Variants in FBXO11 observed in about 807,000 individuals in gnomAD.
FBXO11 encodes the protein F-box only protein 11.
In FBXO11, 13 loss-of-function variants were observed where a neutral mutation model predicts 117.0. The observed-to-expected ratio is 0.11, with a 90% CI of 0.07 to 0.18. FBXO11 has a LOEUF of 0.18. Ranked by LOEUF, FBXO11 falls within the 10% of genes least tolerant of loss-of-function variation. The pLI, the probability that FBXO11 is intolerant of heterozygous loss-of-function variation, is 1.00. For synonymous variants in FBXO11, 490 were observed against 380.5 expected, an observed-to-expected ratio of 1.29 and a Z score of -3.35; for missense variants, 767 against 1,164.4, an observed-to-expected ratio of 0.66 and a Z score of 4.97.
intron 1 of FBXO11, among the ~76,000 whole-genome samples, chr2:47,858,995 C>T (rs1220141800): frequency 6.8e-5 from 10 of 146,894 alleles, no homozygotes; most frequent in South Asian, 2.1e-4. Context: ...GCAGAGATCG[C>T]GCCACTCTGC....
At chr2:47,819,941 T>G (rs1050382746) in intron 14 of FBXO11, among the ~76,000 whole-genome samples, 1 of 152,212 alleles carries the variant, frequency 6.6e-6, no homozygotes, top group African/African-American at 2.4e-5. Context: ...GTTTCAAAAT[T>G]TTGAAAGTTA....
At chr2:47,859,488 T>C (rs1674587398) in intron 1 of FBXO11, among the ~76,000 whole-genome samples, 1 of 152,228 alleles carries the variant, frequency 6.6e-6, no homozygotes. Context: ...TTGGCAAAGA[T>C]TTAAAAGTAA....
At chr2:47,836,629 C>A (rs574828045) in intron 4 of FBXO11, among the ~76,000 whole-genome samples, 62 of 150,676 alleles carry the variant, frequency 4.1e-4, no homozygotes, top group Non-Finnish European at 6.1e-4. Context: ...AATTAGTTTT[C>A]CTGCAAAAAT....
intron 17 of FBXO11, 48 bp from the exon 18 acceptor site, chr2:47,813,425 A>ATTTTTTTTTTTTTTTTTTTTTTTATTTT (rs564540671): frequency 6.1e-6 from 2 of 327,432 alleles, no homozygotes; most frequent in Admixed American, 8.5e-5. Flanking sequence ...TTTCTTTTTA[A>ATTTTTTTTTTTTTTTTTTTTTTTATTTT]TTTTTTTTTT....
At chr2:47,845,248 CTAAT>C (rs911426627) in intron 1 of FBXO11, among the ~76,000 whole-genome samples, 7 of 148,198 alleles carry the variant, frequency 4.7e-5, no homozygotes, top group Admixed American at 2.8e-4. Flanking sequence ...AGAGAAGGTG[CTAAT>C]TAATTCATTT....
At chr2:47,882,687 T>C (rs1413854389) in intron 1 of FBXO11, among the ~76,000 whole-genome samples, 1 of 152,258 alleles carries the variant, frequency 6.6e-6, no homozygotes, top group Non-Finnish European at 1.5e-5. Flanking sequence ...GTCTCCCCTC[T>C]GTTGCCCAGG....
Position 47,905,924 on chromosome 2 carries a change from G to A in FBXO11, c.-204C>T. 1.8e-6 allele frequency: 1 copy of A among 551,790 alleles called. No homozygotes were observed. Among genetic ancestry groups the A allele is most frequent in the South Asian group, 3.1e-5 (1 of 32,190 alleles). The allele number at this position is 551,790 out of a possible 1,614,324, so 34.2% of individuals were successfully genotyped here. ...GCCCGGGTAGACAGACGGAGACCGA[G>A]CGAGGCCGGCCGGGAGGGCCTGACG... is the stretch of plus-strand genomic sequence containing the variant. On this transcript the variant is annotated 5_prime_UTR_variant, in exon 1 of 23. Transcript: ENST00000403359.
At chr2:47,829,170 C>T (rs1671996178) in intron 11 of FBXO11, among the ~76,000 whole-genome samples, 1 of 151,932 alleles carries the variant, frequency 6.6e-6, no homozygotes, top group African/African-American at 2.4e-5. Context: ...GTTAGGATTA[C>T]AGGCGTGACC....
intron 1 of FBXO11, among the ~76,000 whole-genome samples, chr2:47,879,698 G>A (rs994065038): frequency 2.0e-5 from 3 of 152,158 alleles, no homozygotes; most frequent in Non-Finnish European, 4.4e-5. Flanking sequence ...ATTCCTAACT[G>A]TAAATAAGTT....
At chr2:47,831,270 G>C (rs1672163261) in intron 11 of FBXO11, among the ~76,000 whole-genome samples, 1 of 151,500 alleles carries the variant, frequency 6.6e-6, no homozygotes, top group African/African-American at 2.4e-5. Flanking sequence ...TACAAAATTA[G>C]GCAGGCGTGG....
chr2:47,901,728 T>C (rs1341835402), intron 1 of FBXO11, among the ~76,000 whole-genome samples: 1 of 152,198 alleles, frequency 6.6e-6, no homozygotes, highest in East Asian at 1.9e-4. Flanking sequence ...ACAGCACTTC[T>C]GTAGACTTGT....
intron 1 of FBXO11, among the ~76,000 whole-genome samples, chr2:47,899,886 G>T (rs1398975449): frequency 6.6e-6 from 1 of 150,520 alleles, no homozygotes; most frequent in Non-Finnish European, 1.5e-5. Context: ...GACAATAAAA[G>T]ACCTCATGTT....
At chr2:47,817,120 T>C (rs1211769758) in intron 16 of FBXO11, among the ~76,000 whole-genome samples, 1 of 152,258 alleles carries the variant, frequency 6.6e-6, no homozygotes, top group Non-Finnish European at 1.5e-5. Flanking sequence ...CTTAGCTATA[T>C]CTTCTGGGAT....
intron 1 of FBXO11, among the ~76,000 whole-genome samples, chr2:47,843,562 C>G (rs1284031968): frequency 2.6e-5 from 4 of 151,484 alleles, no homozygotes; most frequent in Non-Finnish European, 5.9e-5. Context: ...TAATGGCTTT[C>G]TTCATCATCT....
At chr2:47,845,987 A>G (rs1673377677) in intron 1 of FBXO11, among the ~76,000 whole-genome samples, 1 of 152,164 alleles carries the variant, frequency 6.6e-6, no homozygotes, top group South Asian at 2.1e-4. Context: ...TCCCCTCCTG[A>G]AATTATGGAG....
At chr2:47,854,256 CTT>C (rs772726905) in intron 1 of FBXO11, among the ~76,000 whole-genome samples, 11 of 142,902 alleles carry the variant, frequency 7.7e-5, no homozygotes, top group Admixed American at 7.0e-5. Context: ...GTCCCCAGGA[CTT>C]TTTTTTTTTT....
chr2:47,866,614 C>T (rs72876855), intron 1 of FBXO11, among the ~76,000 whole-genome samples: 5 of 151,902 alleles, frequency 3.3e-5, no homozygotes, highest in Non-Finnish European at 7.4e-5. Flanking sequence ...GCTAGGATTA[C>T]AGGCGCGCAC....
Position 47,813,229 on chromosome 2 carries a change from A to C in FBXO11, c.2227+5T>G. On this transcript the variant is annotated splice_donor_5th_base_variant and intron_variant, in intron 18 of 22. Transcript: ENST00000403359. ...TTTTCACTAATGCAAAATTAACAAC[A>C]ATACCTCGACCCCCATTAAATATAC... The C allele has an allele frequency of 6.2e-7, 1 of 1,613,242 alleles. No homozygotes were observed. Among genetic ancestry groups the C allele is most frequent in the Non-Finnish European group, 8.5e-7 (1 of 1,179,454 alleles).
intron 18 of FBXO11, among the ~76,000 whole-genome samples, chr2:47,812,142 G>A (rs1670663112): frequency 1.3e-5 from 2 of 152,156 alleles, no homozygotes; most frequent in Admixed American, 6.5e-5. Flanking sequence ...CCCTTCTGTA[G>A]CCTCAATTTT....
Sources: gnomAD v4.1 joint callset for allele counts (sites outside exome capture counted in the v4.1 genomes callset) on GRCh38, gnomAD v4.1.1 for gene constraint, MANE v1.5 for transcripts, NCBI Gene and HGNC (gene_info 2026-07-23, HGNC 2026-07-21) for gene names.